The following ZNF804B variants were observed in gnomAD, a reference collection of about 807,000 sequenced individuals.
ZNF804B encodes the protein zinc finger 804B.
Under a neutral mutation model 101.4 loss-of-function variants are expected in ZNF804B, and 80 were observed. The observed-to-expected ratio is 0.79, with a 90% CI of 0.66 to 0.95. The LOEUF (loss-of-function observed/expected upper bound fraction) is 0.95. Among genes scored for constraint, ZNF804B ranks in the 40% least tolerant of loss-of-function variants. The pLI is 0.00. For missense variants in ZNF804B, 1,673 were observed against 1,561.9 expected, an observed-to-expected ratio of 1.07 and a Z score of -1.20; for synonymous variants, 622 against 558.8, an observed-to-expected ratio of 1.11 and a Z score of -1.59.
intron 1 of ZNF804B, among the ~76,000 whole-genome samples, chr7:89,031,648 G>A (rs984280120): frequency 6.7e-6 from 1 of 148,390 alleles, no homozygotes; most frequent in Admixed American, 6.8e-5. Context: ...TTTTCTTTAG[G>A]CTTCTGGTTT....
intron 1 of ZNF804B, among the ~76,000 whole-genome samples, chr7:89,127,145 A>G (rs1220144879): frequency 2.0e-5 from 3 of 151,992 alleles, no homozygotes; most frequent in Non-Finnish European, 4.4e-5. Flanking sequence ...GTCAAAGAAT[A>G]TGTTTCCTTT....
intron 2 of ZNF804B, among the ~76,000 whole-genome samples, chr7:89,268,277 G>T (rs755825953): frequency 2.6e-5 from 4 of 152,008 alleles, no homozygotes; most frequent in South Asian, 4.1e-4. Flanking sequence ...ATCACTTCCA[G>T]ATTCCTCCTC....
intron 3 of ZNF804B, among the ~76,000 whole-genome samples, chr7:89,331,538 C>T (rs1353549444): frequency 2.0e-5 from 3 of 151,550 alleles, no homozygotes; most frequent in East Asian, 1.9e-4. Flanking sequence ...CTTTTAAAAA[C>T]GTCTAAATTT....
chr7:89,334,318 G>T lies in ZNF804B; in HGVS notation c.1336G>T (p.Val446Phe). Residue 446 changes from valine to phenylalanine, a missense_variant, in exon 4 of 4, where the codon GTT becomes TTT. Physicochemically the swap from Val to Phe is conservative, Grantham distance 50. Transcript: ENST00000333190. The part of the protein sequence containing the change: ...VASKPLPFLH[V>F]QSKDGHTTLQ... ...ATCTAAACCACTACCTTTTCTCCACGTTCAAAGCAAGGATGGCCACACCAC... is the reference window on the plus strand; with the variant it reads ...ATCTAAACCACTACCTTTTCTCCACTTTCAAAGCAAGGATGGCCACACCAC... 6.2e-7 allele frequency: 1 copy of T among 1,613,766 alleles called. No individual in the cohort carries two copies. Among genetic ancestry groups the T allele is most frequent in the Non-Finnish European group, 8.5e-7 (1 of 1,179,824 alleles).
chr7:89,276,083 C>G (rs1789975916), intron 2 of ZNF804B, among the ~76,000 whole-genome samples: 1 of 151,830 alleles, frequency 6.6e-6, no homozygotes, highest in South Asian at 2.1e-4. Flanking sequence ...AAACCAAACA[C>G]CATATATTTT....
chr7:89,120,297 A>G (rs535527778), intron 1 of ZNF804B, among the ~76,000 whole-genome samples: 2 of 151,848 alleles, frequency 1.3e-5, no homozygotes, highest in East Asian at 1.9e-4. Flanking sequence ...TAAAAAACAA[A>G]GAAAGAAAAC....
chr7:89,162,959 T>G (rs1266716383), intron 1 of ZNF804B, among the ~76,000 whole-genome samples: 7 of 150,140 alleles, frequency 4.7e-5, no homozygotes, highest in Admixed American at 3.3e-4. Flanking sequence ...TTACTGAGAA[T>G]GATGATTTCC....
chr7:89,179,725 C>T (rs548552206), intron 1 of ZNF804B, among the ~76,000 whole-genome samples: 2 of 152,216 alleles, frequency 1.3e-5, no homozygotes, highest in South Asian at 2.1e-4. Flanking sequence ...TGGGCATTGA[C>T]GACTTATGTA....
At chr7:88,978,767 A>G (rs1397396430) in intron 1 of ZNF804B, among the ~76,000 whole-genome samples, 1 of 147,810 alleles carries the variant, frequency 6.8e-6, no homozygotes, top group Non-Finnish European at 1.5e-5. Context: ...TTGTTTTGTG[A>G]TTCATTCTCT....
At chr7:88,897,667 A>G (rs539471691) in intron 1 of ZNF804B, among the ~76,000 whole-genome samples, 11 of 152,284 alleles carry the variant, frequency 7.2e-5, no homozygotes, top group African/African-American at 2.6e-4. Flanking sequence ...TAAGGAATGT[A>G]TTTGTATTCA....
intron 2 of ZNF804B, among the ~76,000 whole-genome samples, chr7:89,224,420 C>T (rs1433662133): frequency 6.6e-6 from 1 of 151,976 alleles, no homozygotes; most frequent in African/African-American, 2.4e-5. Context: ...TCATCTTGAC[C>T]TTAAGAGGAA....
intron 1 of ZNF804B, among the ~76,000 whole-genome samples, chr7:89,139,583 C>A (rs1327826474): frequency 6.6e-6 from 1 of 151,996 alleles, no homozygotes; most frequent in Non-Finnish European, 1.5e-5. Flanking sequence ...ATGTTCACAG[C>A]ATCTTCACCA....
intron 1 of ZNF804B, among the ~76,000 whole-genome samples, chr7:89,163,666 CA>C (rs34344086): frequency 1.1e-3 from 158 of 149,874 alleles, no homozygotes; most frequent in African/African-American, 3.4e-3. Flanking sequence ...TCACTTTTAG[CA>C]AAAAAAAATG....
intron 1 of ZNF804B, among the ~76,000 whole-genome samples, chr7:88,809,338 TCTATCTATCTATCTATCTAC>T (rs1317750201): frequency 5.2e-4 from 72 of 139,484 alleles, no homozygotes; most frequent in African/African-American, 1.4e-3. Context: ...TATCTATCTA[TCTATCTATCTATCTATCTAC>T]CTATCTATCT....
intron 1 of ZNF804B, among the ~76,000 whole-genome samples, chr7:88,960,756 T>G (rs756731318): frequency 6.6e-6 from 1 of 151,414 alleles, no homozygotes; most frequent in South Asian, 2.1e-4. Flanking sequence ...AAAATATGTT[T>G]TGTTGAAAAA....
At chr7:89,309,701 A>G (rs977900544) in intron 2 of ZNF804B, among the ~76,000 whole-genome samples, 19 of 143,998 alleles carry the variant, frequency 1.3e-4, no homozygotes, top group Non-Finnish European at 2.7e-4. Context: ...CGGAGGTTAC[A>G]ATGAGCCGAG....
chr7:88,855,426 C>T (rs1442061763), intron 1 of ZNF804B, among the ~76,000 whole-genome samples: 1 of 151,682 alleles, frequency 6.6e-6, no homozygotes, highest in Non-Finnish European at 1.5e-5. Flanking sequence ...CTGTTCATAT[C>T]CTTTGCCCAC....
chr7:88,842,131 A>G (rs1791300033), intron 1 of ZNF804B, among the ~76,000 whole-genome samples: 1 of 152,180 alleles, frequency 6.6e-6, no homozygotes, highest in Non-Finnish European at 1.5e-5. Flanking sequence ...CTCAGTTTTT[A>G]TATGGGGCAA....
rs35079487 is a variant in ZNF804B at position 89,310,085 on chromosome 7, CAA to C, written c.250-17245_250-17244del. 6.2e-3 allele frequency among the ~76,000 whole-genome samples: 756 copies of C among 122,788 alleles called. 5 individuals are homozygous for C. Among genetic ancestry groups the C allele is most frequent in the African/African-American group, 0.016 (520 of 32,512 alleles). 80.6% of individuals were successfully genotyped at this position (122,788 alleles called of 152,430 possible). A position where few individuals can be genotyped will look rare whatever the true frequency, so the allele number is the denominator to read the frequency against. ...ACTTCCAAAGCTGTTGTTTTTAAGG[CAA>C]AAAAAAAAAAAAAGAGTCAGCTTTT... is the stretch of plus-strand genomic sequence containing the variant. On this transcript the variant is annotated intron_variant, in intron 2 of 3. Coordinates refer to ENST00000333190, the MANE Select transcript of ZNF804B (RefSeq NM_181646.5).
Sources: gnomAD v4.1 joint callset for allele counts (sites outside exome capture counted in the v4.1 genomes callset) on GRCh38, gnomAD v4.1.1 for gene constraint, MANE v1.5 for transcripts, NCBI Gene and HGNC (gene_info 2026-07-23, HGNC 2026-07-21) for gene names.